The following FYB1 variants were observed in gnomAD, a reference collection of about 807,000 sequenced individuals.
The protein encoded by FYB1 is FYN binding protein 1.
Under a neutral mutation model 94.1 loss-of-function variants are expected in FYB1, and 41 were observed. That is an observed-to-expected ratio of 0.44 (90% confidence interval 0.34 to 0.57). The LOEUF (loss-of-function observed/expected upper bound fraction) is 0.57. Among genes scored for constraint, FYB1 ranks in the 20% least tolerant of loss-of-function variants. The pLI is 0.02. For missense variants in FYB1, 1,050 were observed against 976.8 expected (o/e 1.07, Z -1.00); for synonymous variants, 367 against 353.2 (o/e 1.04, Z -0.44).
At chr5:39,232,050 C>T (rs1750766670) in intron 1 of FYB1, among the ~76,000 whole-genome samples, 1 of 152,034 alleles carries the variant, frequency 6.6e-6, no homozygotes, top group African/African-American at 2.4e-5. Flanking sequence ...TAGCTCTGAG[C>T]TCTTGAGAAA....
At position 39,208,386 on chromosome 5, in the gene FYB1, T is replaced by C. The variant is rs1749046177; in HGVS notation, c.-27-5399A>G. On this transcript the variant is annotated intron_variant, in intron 1 of 18. Coordinates refer to ENST00000512982, the MANE Select transcript of FYB1 (RefSeq NM_001465.6). ...ATGCTTCTAATCATGGTGGAGGCAG[T>C]AAATGAATAAAATAGTTTACCCAAA... Among the ~76,000 whole-genome samples the C allele has an allele frequency of 2.0e-5, 3 of 152,230 alleles. No individual in the cohort carries two copies. In the South Asian group the frequency reaches 6.2e-4, roughly 31 times the overall value.
intron 2 of FYB1, among the ~76,000 whole-genome samples, chr5:39,192,354 A>T (rs968707494): frequency 6.6e-6 from 1 of 152,190 alleles, no homozygotes; most frequent in South Asian, 2.1e-4. Context: ...AATTTTGATC[A>T]AATTAGGTAA....
At chr5:39,198,026 A>G (rs970822514) in intron 2 of FYB1, among the ~76,000 whole-genome samples, 17 of 152,206 alleles carry the variant, frequency 1.1e-4, no homozygotes, top group African/African-American at 3.9e-4. Flanking sequence ...TGATCAGAAT[A>G]TCATGGGGCT....
intron 3 of FYB1, 116 bp downstream of exon 3, chr5:39,153,332 G>A: frequency 7.8e-7 from 1 of 1,285,772 alleles, no homozygotes; most frequent in South Asian, 1.2e-5. Context: ...CCTGCCAGCT[G>A]CCCACTTTTG....
chr5:39,207,041 G>A (rs1021273513), intron 1 of FYB1, among the ~76,000 whole-genome samples: 11 of 152,012 alleles, frequency 7.2e-5, no homozygotes, highest in African/African-American at 1.2e-4. Context: ...ATATTGGTGC[G>A]TGTTATTTGC....
At chr5:39,133,510 G>C (rs975049885) in intron 9 of FYB1, among the ~76,000 whole-genome samples, 14 of 152,116 alleles carry the variant, frequency 9.2e-5, no homozygotes, top group African/African-American at 3.1e-4. Flanking sequence ...AAGAAGAGGA[G>C]AGATGGAGAG....
chr5:39,200,827 C>T lies in FYB1; in HGVS notation c.1135+999G>A, dbSNP rs568784554. ...CCATACTTCGGTAAGGAGAAAGATG[C>T]GACTACAAGTAGTGTGGTCACCTGT... On this transcript the variant is annotated intron_variant, in intron 2 of 18. Transcript: ENST00000512982. Among the ~76,000 whole-genome samples the T allele has an allele frequency of 7.2e-5, 11 of 152,272 alleles. No individual in the cohort carries two copies. In the South Asian group the frequency reaches 1.5e-3, roughly 20 times the overall value.
At chr5:39,224,819 C>T (rs1750404924) in intron 1 of FYB1, among the ~76,000 whole-genome samples, 1 of 152,180 alleles carries the variant, frequency 6.6e-6, no homozygotes, top group Non-Finnish European at 1.5e-5. Flanking sequence ...CTAAATCCTT[C>T]TAACTTCAAC....
At chr5:39,239,367 A>C (rs577209827) in intron 1 of FYB1, among the ~76,000 whole-genome samples, 16 of 152,322 alleles carry the variant, frequency 1.1e-4, no homozygotes, top group South Asian at 2.1e-4. Context: ...AGAGGAAGTC[A>C]AACTATCTCT....
intron 1 of FYB1, among the ~76,000 whole-genome samples, chr5:39,227,240 C>T (rs1016033990): frequency 6.7e-6 from 1 of 148,732 alleles, no homozygotes; most frequent in Non-Finnish European, 1.5e-5. Flanking sequence ...ATACATAACT[C>T]TTGGTTGGAT....
At chr5:39,244,689 T>A (rs568564152) in intron 1 of FYB1, among the ~76,000 whole-genome samples, 5 of 152,344 alleles carry the variant, frequency 3.3e-5, no homozygotes, top group African/African-American at 1.2e-4. Context: ...CTTTTTCTAT[T>A]GATTGGAATA....
intron 2 of FYB1, among the ~76,000 whole-genome samples, chr5:39,157,721 G>C (rs778501643): frequency 2.4e-4 from 37 of 152,168 alleles, no homozygotes; most frequent in Admixed American, 5.2e-4. Flanking sequence ...AAAGCTCAGG[G>C]GGGGAATGCC....
At chr5:39,226,643 A>T (rs149334746) in intron 1 of FYB1, among the ~76,000 whole-genome samples, 132 of 152,286 alleles carry the variant, frequency 8.7e-4, no homozygotes, top group Middle Eastern at 3.4e-3. Context: ...CTACATCTTC[A>T]TTCTACTAGA....
At position 39,107,322 on chromosome 5, in the gene FYB1, A is replaced by G. The variant is rs1324634254; in HGVS notation, c.*121T>C. ...ACTTTGTAAAGATAATTGGGATTTC[A>G]TAACAAATGATAATAAGTGGTTTTG... On this transcript the variant is annotated 3_prime_UTR_variant, in exon 19 of 19. Transcript: ENST00000512982. 23 of 588,454 alleles carry G rather than the reference A, an allele frequency of 3.9e-5. No individual in the cohort carries two copies. The highest frequency in any genetic ancestry group is 6.6e-5 in the Non-Finnish European group (23 of 350,370). The allele number at this position is 588,454 out of a possible 1,614,324, so 36.5% of individuals were successfully genotyped here. A position where few individuals can be genotyped will look rare whatever the true frequency, so the allele number is the denominator to read the frequency against.
intron 12 of FYB1, among the ~76,000 whole-genome samples, chr5:39,125,410 T>C (rs1561140195): frequency 6.6e-6 from 1 of 152,184 alleles, no homozygotes; most frequent in African/African-American, 2.4e-5. Context: ...TAGATTTTAT[T>C]TGGACAAACT....
intron 3 of FYB1, among the ~76,000 whole-genome samples, chr5:39,145,083 G>A (rs924644618): frequency 2.0e-5 from 3 of 152,280 alleles, no homozygotes; most frequent in Non-Finnish European, 4.4e-5. Flanking sequence ...GATTGGCCAT[G>A]AGTTTATAGT....
At chr5:39,146,991 AG>A (rs1171119312) in intron 3 of FYB1, among the ~76,000 whole-genome samples, 3 of 152,182 alleles carry the variant, frequency 2.0e-5, no homozygotes, top group African/African-American at 7.2e-5. Flanking sequence ...CATTGAGAAA[AG>A]CCCCATACAG....
At chr5:39,181,830 G>A (rs1746270549) in intron 2 of FYB1, among the ~76,000 whole-genome samples, 1 of 151,722 alleles carries the variant, frequency 6.6e-6, no homozygotes, top group Non-Finnish European at 1.5e-5. Context: ...CCTTAATCGA[G>A]GCTCATGGAT....
intron 1 of FYB1, among the ~76,000 whole-genome samples, chr5:39,252,603 CT>C: frequency 6.6e-6 from 1 of 152,216 alleles, no homozygotes; most frequent in Non-Finnish European, 1.5e-5. Context: ...AACTAACAAT[CT>C]GGTACCAACC....
Sources: allele counts gnomAD v4.1 joint callset (sites outside exome capture counted in the v4.1 genomes callset), GRCh38; gene constraint gnomAD v4.1.1; transcripts MANE v1.5; gene names NCBI Gene and HGNC (gene_info 2026-07-23, HGNC 2026-07-21).